Variants in ASPRV1 observed in about 807,000 individuals in gnomAD.
The protein encoded by ASPRV1 is retroviral-like aspartic protease 1.
A neutral mutation model predicts 11.0 loss-of-function variants in ASPRV1; 7 were observed. That is an observed-to-expected ratio of 0.64 (90% CI 0.36 to 1.20). ASPRV1 has a LOEUF of 1.20. Among genes scored for constraint, ASPRV1 ranks in the 50% most tolerant of loss-of-function variants. ASPRV1 has a pLI of 0.02. For missense variants in ASPRV1, 299 were observed against 320.0 expected, an observed-to-expected ratio of 0.93 and a Z score of 0.50; for synonymous variants, 136 against 138.4, an observed-to-expected ratio of 0.98 and a Z score of 0.12.
chr2:70,050,797 G>C, the ASPRV1 span: 1 of 152,068 alleles, frequency 6.6e-6, no homozygotes, highest in Admixed American at 6.6e-5. Context: ...TAAAAAATTA[G>C]CCAGGTGTGG....
the ASPRV1 span, among the ~76,000 whole-genome samples, chr2:70,071,336 G>A: frequency 1.3e-5 from 2 of 152,202 alleles, no homozygotes; most frequent in Non-Finnish European, 2.9e-5. Context: ...GCAAGTTTAG[G>A]TATTAGGATA....
the ASPRV1 span, among the ~76,000 whole-genome samples, chr2:70,069,854 T>C: frequency 6.6e-6 from 1 of 151,496 alleles, no homozygotes; most frequent in Admixed American, 6.6e-5. Context: ...TTCTATAAAG[T>C]AAGGAGGTTG....
the ASPRV1 span, among the ~76,000 whole-genome samples, chr2:69,982,571 T>C: frequency 6.6e-6 from 1 of 152,138 alleles, no homozygotes; most frequent in African/African-American, 2.4e-5. Context: ...GTACCAGCTG[T>C]ACTAAAGAAA....
At chr2:69,937,443 C>G in the ASPRV1 span, 1 of 1,417,888 alleles carries the variant, frequency 7.1e-7, no homozygotes, top group Non-Finnish European at 9.3e-7. Flanking sequence ...TCCCCAACCC[C>G]AGAGCAGGGG....
chr2:70,001,535 G>T, the ASPRV1 span, among the ~76,000 whole-genome samples: 1 of 151,942 alleles, frequency 6.6e-6, no homozygotes, highest in East Asian at 1.9e-4. Flanking sequence ...AGGCAGGTGG[G>T]TCATCTGAGG....
chr2:69,937,630 T>C, the ASPRV1 span, among the ~76,000 whole-genome samples: 2 of 152,170 alleles, frequency 1.3e-5, no homozygotes, highest in African/African-American at 4.8e-5. Context: ...TTTGTTTTGT[T>C]TTGAGACGGA....
the ASPRV1 span, among the ~76,000 whole-genome samples, chr2:70,000,179 T>A: frequency 2.6e-5 from 4 of 152,280 alleles, no homozygotes; most frequent in South Asian, 8.3e-4. Flanking sequence ...TAATCTAGGA[T>A]AAAATATTTG....
chr2:69,995,968 C>T, the ASPRV1 span, among the ~76,000 whole-genome samples: 19 of 152,096 alleles, frequency 1.2e-4, no homozygotes, highest in African/African-American at 4.1e-4. Context: ...TATTCCAAAT[C>T]TCTTTGGGGA....
At chr2:69,936,405 A>G in the ASPRV1 span, among the ~76,000 whole-genome samples, 1 of 152,150 alleles carries the variant, frequency 6.6e-6, no homozygotes, top group Non-Finnish European at 1.5e-5. Context: ...CACAGAGTTG[A>G]CACTCTCTTT....
At chr2:70,004,528 C>CAAAAAAAA in the ASPRV1 span, among the ~76,000 whole-genome samples, 3 of 54,640 alleles carry the variant, frequency 5.5e-5, no homozygotes, top group Non-Finnish European at 4.0e-5. Context: ...AACTCCATCT[C>CAAAAAAAA]AAAAAAAAAA....
chr2:69,973,631 A>T, the ASPRV1 span, among the ~76,000 whole-genome samples: 6 of 152,356 alleles, frequency 3.9e-5, no homozygotes, highest in Middle Eastern at 0.014. Flanking sequence ...CACAGGCAAG[A>T]GCCACTGCAC....
chr2:70,053,501 T>C, the ASPRV1 span, among the ~76,000 whole-genome samples: 1 of 152,158 alleles, frequency 6.6e-6, no homozygotes, highest in Non-Finnish European at 1.5e-5. Flanking sequence ...TTTCATACAC[T>C]ATTGACAAAA....
At chr2:70,039,669 A>T in the ASPRV1 span, among the ~76,000 whole-genome samples, 1 of 152,162 alleles carries the variant, frequency 6.6e-6, no homozygotes, top group East Asian at 1.9e-4. Context: ...CATGCTCCTA[A>T]AAAGGTCTTC....
the ASPRV1 span, among the ~76,000 whole-genome samples, chr2:70,008,665 T>C: frequency 6.6e-6 from 1 of 151,906 alleles, no homozygotes; most frequent in Non-Finnish European, 1.5e-5. Context: ...TCATCAACTA[T>C]TGTGTTAGTG....
the ASPRV1 span, chr2:70,086,269 T>C: frequency 3.3e-5 from 5 of 152,116 alleles, no homozygotes; most frequent in Non-Finnish European, 7.4e-5. Flanking sequence ...CGCCATTTTG[T>C]GTTCAGGAAA....
the ASPRV1 span, among the ~76,000 whole-genome samples, chr2:70,064,851 T>C: frequency 1.3e-5 from 2 of 152,170 alleles, no homozygotes; most frequent in Non-Finnish European, 2.9e-5. Flanking sequence ...CCCAGCACTT[T>C]GGGAGGCCAA....
At chr2:69,949,542 A>G in the ASPRV1 span, among the ~76,000 whole-genome samples, 3 of 152,210 alleles carry the variant, frequency 2.0e-5, no homozygotes, top group Admixed American at 6.5e-5. Flanking sequence ...TTGGACAGAA[A>G]ACAATTTGGT....
chr2:69,975,023 GGGTCA>G, the ASPRV1 span, among the ~76,000 whole-genome samples: 1 of 152,210 alleles, frequency 6.6e-6, no homozygotes, highest in African/African-American at 2.4e-5. Flanking sequence ...AGCCGACTGT[GGGTCA>G]CACGCGACAA....
the ASPRV1 span, chr2:70,086,325 G>T: frequency 1.3e-5 from 2 of 152,266 alleles, no homozygotes; most frequent in African/African-American, 4.8e-5. Flanking sequence ...GCGGAGTAGC[G>T]CCACGTTAGC....
Sources: gnomAD v4.1 joint callset for allele counts (sites outside exome capture counted in the v4.1 genomes callset) on GRCh38, gnomAD v4.1.1 for gene constraint, MANE v1.5 for transcripts, NCBI Gene and HGNC (gene_info 2026-07-23, HGNC 2026-07-21) for gene names.